The following ROS1 variants were observed in gnomAD, a reference collection of about 807,000 sequenced individuals.
The protein encoded by ROS1 is proto-oncogene tyrosine-protein kinase ROS.
Under a neutral mutation model 273.5 loss-of-function variants are expected in ROS1, and 263 were observed. The observed-to-expected ratio is 0.96, with a 90% CI of 0.87 to 1.06. The LOEUF is 1.06. Ranked by LOEUF, ROS1 falls within the 50% of genes least tolerant of loss-of-function variation. ROS1 has a pLI of 0.00. For synonymous variants in ROS1, 1,008 were observed against 954.1 expected, an observed-to-expected ratio of 1.06 and a Z score of -1.04; for missense variants, 2,833 against 2,751.1, an observed-to-expected ratio of 1.03 and a Z score of -0.67.
chr6:117,393,450 T>C, intron 11 of ROS1, 129 bp from the exon 12 acceptor site: 1 of 642,256 alleles, frequency 1.6e-6, no homozygotes, highest in South Asian at 2.2e-5. Context: ...CCAAGACAAA[T>C]GAGCAAAAAA....
chr6:117,312,668 C>T (rs533924020), intron 39 of ROS1, among the ~76,000 whole-genome samples: 55 of 152,150 alleles, frequency 3.6e-4, no homozygotes, highest in African/African-American at 1.3e-3. Context: ...ATAATGCTGC[C>T]TGCCTGCTTG....
intron 43 of ROS1, among the ~76,000 whole-genome samples, chr6:117,289,029 A>T (rs888348560): frequency 1.3e-5 from 2 of 152,202 alleles, no homozygotes; most frequent in Admixed American, 1.3e-4. Flanking sequence ...TGCTATATGT[A>T]TATATATGTC....
chr6:117,391,996 C>A (rs1478080652), intron 12 of ROS1, among the ~76,000 whole-genome samples: 1 of 151,942 alleles, frequency 6.6e-6, no homozygotes, highest in Non-Finnish European at 1.5e-5. Context: ...CCATTTTATC[C>A]TAATGGAAAA....
At chr6:117,300,857 G>T (rs930013844) in intron 43 of ROS1, 117 bp downstream of exon 43, 3 of 625,524 alleles carry the variant, frequency 4.8e-6, no homozygotes, top group African/African-American at 1.9e-5. Flanking sequence ...GATGACAAAG[G>T]TGCCAGTATA....
intron 5 of ROS1, among the ~76,000 whole-genome samples, chr6:117,407,020 G>A (rs1582873442): frequency 3.1e-5 from 3 of 96,608 alleles, no homozygotes; most frequent in African/African-American, 5.1e-5. Flanking sequence ...TGCACAGCTT[G>A]GACCCCCATA....
intron 14 of ROS1, among the ~76,000 whole-genome samples, chr6:117,387,305 C>A (rs1049165449): frequency 6.6e-6 from 1 of 152,130 alleles, no homozygotes; most frequent in East Asian, 1.9e-4. Context: ...GCTTTGACTA[C>A]TGTTTGTCAT....
chr6:117,390,915 TTTAAC>T (rs1204775327), intron 12 of ROS1, among the ~76,000 whole-genome samples: 1 of 152,200 alleles, frequency 6.6e-6, no homozygotes, highest in Non-Finnish European at 1.5e-5. Context: ...TAAATAAACT[TTTAAC>T]TAAAATATAA....
chr6:117,327,048 G>A (rs1416771489), intron 33 of ROS1, among the ~76,000 whole-genome samples: 4 of 152,164 alleles, frequency 2.6e-5, no homozygotes, highest in African/African-American at 9.7e-5. Flanking sequence ...CAAGCTCAAG[G>A]TCTTCCATTA....
Position 117,385,805 on chromosome 6 carries a change from C to T in ROS1, c.2167G>A (p.Val723Met). Residue 723 changes from valine (V) to methionine (M), a missense_variant, in exon 16 of 44, where the codon GTG (valine) becomes ATG (methionine). Physicochemically the swap from Val to Met is conservative, Grantham distance 21. Transcript: ENST00000368507. ...YYSDTKGDVF[V>M]WLLNGTDISE... ...ATATCCGTCCCATTCAGCAGCCACA[C>T]AAAAACGTCGCCTTTCGTGTCACTG... 2 of 1,614,190 alleles carry T rather than the reference C, an allele frequency of 1.2e-6. No homozygotes were observed. The highest frequency in any genetic ancestry group is 8.5e-7 in the Non-Finnish European group (1 of 1,180,046).
At chr6:117,331,717 C>A (rs1182060392) in intron 32 of ROS1, among the ~76,000 whole-genome samples, 3 of 152,074 alleles carry the variant, frequency 2.0e-5, no homozygotes, top group Admixed American at 6.5e-5. Flanking sequence ...ATTTTCAACC[C>A]AGAATTTCAT....
intron 21 of ROS1, among the ~76,000 whole-genome samples, chr6:117,364,764 C>T (rs534998496): frequency 2.2e-4 from 33 of 152,256 alleles, no homozygotes; most frequent in Non-Finnish European, 4.1e-4. Flanking sequence ...CCCTTAAATG[C>T]CCATTTTCCT....
Position 117,317,011 on chromosome 6 carries a change from A to G in ROS1, c.6117+132T>C. 6 of 975,402 alleles carry G rather than the reference A, an allele frequency of 6.2e-6. No individual in the cohort carries two copies. In the South Asian group the frequency reaches 1.3e-4, roughly 22 times the overall value. 60.4% of individuals were successfully genotyped at this position (975,402 alleles called of 1,614,324 possible). The stretch of plus-strand genomic sequence containing the variant: ...TGATTGTCAAAAGCTAATGTGAAGG[A>G]AACAGAATAATTCTTTCCATGTAAG... On this transcript the variant is annotated intron_variant, in intron 39 of 43. Transcript: ENST00000368507.
intron 32 of ROS1, among the ~76,000 whole-genome samples, chr6:117,333,124 CAGAG>C (rs1322007355): frequency 6.6e-6 from 1 of 150,474 alleles, no homozygotes; most frequent in Non-Finnish European, 1.5e-5. Flanking sequence ...AAGAAGGAGA[CAGAG>C]AAGAATCAAA....
rs1283799660 is a variant in ROS1 at position 117,326,164 on chromosome 6, G to C, written c.5539+60C>G. The C allele has an allele frequency of 6.1e-6, 5 of 816,986 alleles. No homozygotes were observed. In the East Asian group the frequency reaches 1.5e-4, roughly 25 times the overall value. 50.6% of individuals were successfully genotyped at this position (816,986 alleles called of 1,614,324 possible). On this transcript the variant is annotated intron_variant, in intron 34 of 43. Transcript: ENST00000368507. ...CTATTGCTAATGTTAAGAATGTACTGATATTTATTACTGAACCTTTAGGTA... is the reference window on the plus strand; with the variant it reads ...CTATTGCTAATGTTAAGAATGTACTCATATTTATTACTGAACCTTTAGGTA...
intron 15 of ROS1, among the ~76,000 whole-genome samples, chr6:117,386,106 C>A (rs1387305323): frequency 2.6e-5 from 4 of 152,220 alleles, no homozygotes; most frequent in Non-Finnish European, 5.9e-5. Flanking sequence ...AGGCAGTTTA[C>A]AGATCTCATT....
chr6:117,352,060 T>C (rs926132660), intron 27 of ROS1, among the ~76,000 whole-genome samples: 1 of 152,114 alleles, frequency 6.6e-6, no homozygotes, highest in Non-Finnish European at 1.5e-5. Context: ...TTTGACAAAA[T>C]ACCAATGAGG....
intron 5 of ROS1, among the ~76,000 whole-genome samples, chr6:117,407,612 A>T (rs1442008295): frequency 1.3e-5 from 2 of 152,210 alleles, no homozygotes; most frequent in Non-Finnish European, 2.9e-5. Flanking sequence ...CAATATGCCT[A>T]TACTTTCCAG....
chr6:117,332,128 T>C (rs1444962708), intron 32 of ROS1, among the ~76,000 whole-genome samples: 1 of 108,294 alleles, frequency 9.2e-6, no homozygotes, highest in South Asian at 2.8e-4. Flanking sequence ...AGGCTCAAAA[T>C]AAAGGGATTG....
chr6:117,407,290 G>A (rs1774491518), intron 5 of ROS1, among the ~76,000 whole-genome samples: 2 of 152,032 alleles, frequency 1.3e-5, no homozygotes, highest in Non-Finnish European at 2.9e-5. Context: ...AGCTCGGTGG[G>A]AGGATGCCCT....
Sources: allele counts gnomAD v4.1 joint callset (sites outside exome capture counted in the v4.1 genomes callset), GRCh38; gene constraint gnomAD v4.1.1; transcripts MANE v1.5; gene names NCBI Gene and HGNC (gene_info 2026-07-23, HGNC 2026-07-21).